LRRC37A2: variants seen among roughly 807,000 people sequenced by gnomAD.
The protein encoded by LRRC37A2 is leucine-rich repeat-containing protein 37A2.
A neutral mutation model predicts 68.8 loss-of-function variants in LRRC37A2; 9 were observed. The observed-to-expected ratio is 0.13, with a 90% CI of 0.08 to 0.23. LRRC37A2 has a LOEUF of 0.23. LRRC37A2 is among the 10% of genes least tolerant of loss of function. The pLI is 1.00. For synonymous variants in LRRC37A2, 63 were observed against 367.6 expected (o/e 0.17, Z 9.48); for missense variants, 168 against 950.4 (o/e 0.18, Z 10.82).
At chr17:46,822,039 G>C in the LRRC37A2 span, among the ~76,000 whole-genome samples, 4 of 151,584 alleles carry the variant, frequency 2.6e-5, no homozygotes, top group South Asian at 4.1e-4. Context: ...GGACCAACCT[G>C]GGGGGGTAAA....
chr17:46,719,364 G>T, the LRRC37A2 span, among the ~76,000 whole-genome samples: 1 of 152,178 alleles, frequency 6.6e-6, no homozygotes, highest in Non-Finnish European at 1.5e-5. This position sits in a 1 kb window ranked among gnomAD's most constrained non-coding sequence, Gnocchi z 4.3. Flanking sequence ...TTGCTTTAAT[G>T]AGTACATGAG....
the LRRC37A2 span, among the ~76,000 whole-genome samples, chr17:46,823,148 A>T: frequency 1.5e-5 from 2 of 129,338 alleles, no homozygotes; most frequent in Non-Finnish European, 3.1e-5. Flanking sequence ...TATATTATAT[A>T]TATTTATATA....
the LRRC37A2 span, among the ~76,000 whole-genome samples, chr17:47,023,932 G>A: frequency 6.6e-6 from 1 of 152,132 alleles, no homozygotes; most frequent in South Asian, 2.1e-4. Context: ...TATTACAAAG[G>A]TCAGGATAGT....
the LRRC37A2 span, chr17:47,017,105 G>A: frequency 6.4e-7 from 1 of 1,564,818 alleles, no homozygotes; most frequent in Non-Finnish European, 8.7e-7. Flanking sequence ...TGGTGACATG[G>A]AGCAGATCTG....
At chr17:46,879,334 A>G in the LRRC37A2 span, among the ~76,000 whole-genome samples, 1 of 152,086 alleles carries the variant, frequency 6.6e-6, no homozygotes, top group East Asian at 1.9e-4. Flanking sequence ...CGGAGCTGGT[A>G]AGCACATGTC....
chr17:46,921,897 G>C, the LRRC37A2 span, among the ~76,000 whole-genome samples: 2 of 152,196 alleles, frequency 1.3e-5, no homozygotes, highest in East Asian at 1.9e-4. Context: ...ACTGTTAACT[G>C]GTTCAACCAT....
the LRRC37A2 span, among the ~76,000 whole-genome samples, chr17:46,657,478 G>A: frequency 6.7e-6 from 1 of 149,456 alleles, no homozygotes; most frequent in African/African-American, 2.4e-5. Context: ...ATAAAAATGG[G>A]AAGATAGACT....
the LRRC37A2 span, chr17:46,931,011 A>G: frequency 1.3e-6 from 1 of 773,176 alleles, no homozygotes. Flanking sequence ...AGTTTATTGG[A>G]TATTGAAAAA....
At chr17:46,919,393 C>A in the LRRC37A2 span, among the ~76,000 whole-genome samples, 56,960 of 151,934 alleles carry the variant, frequency 0.37, 10,739 homozygotes, top group South Asian at 0.48. Context: ...TGGAGAGTGG[C>A]ATTTTCTTCT....
At chr17:46,659,356 CCCTT>C in the LRRC37A2 span, among the ~76,000 whole-genome samples, 48,060 of 72,406 alleles carry the variant, frequency 0.66, 16,067 homozygotes, top group South Asian at 0.78. Flanking sequence ...TTCTTTCTGC[CCCTT>C]CCTTAGCAAT....
At chr17:46,679,604 A>C in the LRRC37A2 span, among the ~76,000 whole-genome samples, 2 of 136,474 alleles carry the variant, frequency 1.5e-5, no homozygotes, top group Non-Finnish European at 3.1e-5. Context: ...AGGCAGGAGA[A>C]TTGCTTGAAC....
chr17:46,722,255 T>C, the LRRC37A2 span: 1 of 1,109,246 alleles, frequency 9.0e-7, no homozygotes, highest in Non-Finnish European at 1.4e-6. Context: ...ATTCTTAAGA[T>C]TAATTTTGGG....
chr17:46,941,200 C>T, the LRRC37A2 span: 1 of 1,001,324 alleles, frequency 1.0e-6, no homozygotes, highest in African/African-American at 1.7e-5. Flanking sequence ...AACTCCAAGA[C>T]CAAGTAAGTT....
intron 6 of LRRC37A2, among the ~76,000 whole-genome samples, chr17:46,534,962 C>G (rs1382871256): frequency 6.7e-6 from 1 of 149,572 alleles, no homozygotes; most frequent in Non-Finnish European, 1.5e-5. Context: ...CTCCTCACTT[C>G]TCAGACGGGG....
chr17:46,869,742 T>C, the LRRC37A2 span, among the ~76,000 whole-genome samples: 3 of 152,152 alleles, frequency 2.0e-5, no homozygotes, highest in Non-Finnish European at 2.9e-5. Flanking sequence ...CTCACGTCTG[T>C]AATTCCAGCA....
At chr17:46,816,092 T>G in the LRRC37A2 span, among the ~76,000 whole-genome samples, 1 of 116,830 alleles carries the variant, frequency 8.6e-6, no homozygotes. Flanking sequence ...CACACTGTCA[T>G]GAAGGCATGC....
chr17:46,496,931 AT>A, the LRRC37A2 span, among the ~76,000 whole-genome samples: 1 of 141,224 alleles, frequency 7.1e-6, no homozygotes, highest in South Asian at 2.5e-4. Context: ...AAAAAAAAAA[AT>A]TACTTAATAT....
At chr17:46,993,800 G>T in the LRRC37A2 span, among the ~76,000 whole-genome samples, 1 of 152,174 alleles carries the variant, frequency 6.6e-6, no homozygotes, top group East Asian at 1.9e-4. Context: ...TGCCCTACAT[G>T]TGCCCGGGCT....
the LRRC37A2 span, chr17:46,911,470 T>C: frequency 6.6e-6 from 1 of 152,242 alleles, no homozygotes; most frequent in Non-Finnish European, 1.5e-5. Flanking sequence ...AACTGGTGCT[T>C]ACATGCCCAA....
Sources: allele counts gnomAD v4.1 joint callset (sites outside exome capture counted in the v4.1 genomes callset), GRCh38; gene constraint gnomAD v4.1.1; non-coding constraint Gnocchi (gnomAD v3.1); transcripts MANE v1.5; gene names NCBI Gene and HGNC (gene_info 2026-07-23, HGNC 2026-07-21).